The following SGCZ variants were observed in gnomAD, a reference collection of about 807,000 sequenced individuals.
SGCZ encodes the protein zeta-sarcoglycan.
Under a neutral mutation model 41.3 loss-of-function variants are expected in SGCZ, and 40 were observed. That is an observed-to-expected ratio of 0.97 (90% CI 0.75 to 1.26). The LOEUF (loss-of-function observed/expected upper bound fraction) is 1.26, where lower values mean the gene tolerates loss of function less well. Ranked by LOEUF, SGCZ falls within the 50% of genes most tolerant of loss-of-function variation. The pLI, the probability that SGCZ is intolerant of heterozygous loss-of-function variation, is 0.00. For missense variants in SGCZ, 552 were observed against 369.8 expected (o/e 1.49, Z -4.04); for synonymous variants, 206 against 137.5 (o/e 1.50, Z -3.49).
chr8:14,338,120 A>G (rs73664308), intron 2 of SGCZ, among the ~76,000 whole-genome samples: 6,817 of 152,262 alleles, frequency 0.045, 504 homozygotes, highest in African/African-American at 0.15. Flanking sequence ...TCCTTGCCCA[A>G]GTTTGATCAG....
intron 1 of SGCZ, among the ~76,000 whole-genome samples, chr8:14,748,740 A>G (rs1012422518): frequency 1.6e-4 from 23 of 147,878 alleles, no homozygotes; most frequent in African/African-American, 5.1e-4. Context: ...AAAATAGTGC[A>G]TGTTGAACAC....
intron 3 of SGCZ, among the ~76,000 whole-genome samples, chr8:14,323,451 T>C (rs1027886872): frequency 3.9e-5 from 6 of 152,090 alleles, no homozygotes; most frequent in African/African-American, 1.2e-4. Context: ...GTAATAGATA[T>C]GAAAAATTCT....
intron 1 of SGCZ, among the ~76,000 whole-genome samples, chr8:14,990,213 C>T (rs374619043): frequency 5.3e-5 from 8 of 152,028 alleles, no homozygotes; most frequent in African/African-American, 1.7e-4. Flanking sequence ...AGTAGAAAAT[C>T]AAAAATATAA....
chr8:14,168,494 C>G (rs1383099407), intron 4 of SGCZ, among the ~76,000 whole-genome samples: 1 of 152,058 alleles, frequency 6.6e-6, no homozygotes, highest in Non-Finnish European at 1.5e-5. Flanking sequence ...GTGAATAAGT[C>G]TCATGAGATC....
In SGCZ at chr8:15,061,530, T is replaced by TAAAAA. The variant is rs56690396; in HGVS notation, c.39+176050_39+176054dup. On this transcript the variant is annotated intron_variant, in intron 1 of 7. Transcript: ENST00000382080. ...CATGTATCCCAGAACTTACAGTATA[T>TAAAAA]AAAAAAAAAAAACAGGAAAAAATTA... is the stretch of plus-strand genomic sequence containing the variant. Among the ~76,000 whole-genome samples the TAAAAA allele has an allele frequency of 9.2e-3, 1,309 of 141,994 alleles. 14 individuals carry two copies. The highest frequency in any genetic ancestry group is 0.031 in the African/African-American group (1,207 of 38,806). The allele number at this position is 141,994 out of a possible 152,430, so 93.2% of individuals were successfully genotyped here.
intron 1 of SGCZ, among the ~76,000 whole-genome samples, chr8:14,816,937 A>T (rs1801920661): frequency 1.3e-5 from 2 of 152,216 alleles, no homozygotes; most frequent in South Asian, 4.1e-4. Flanking sequence ...TATCACAATT[A>T]CTTTTTAATT....
chr8:14,098,858 C>T (rs1801925063), intron 7 of SGCZ, among the ~76,000 whole-genome samples: 1 of 151,992 alleles, frequency 6.6e-6, no homozygotes, highest in Admixed American at 6.6e-5. Flanking sequence ...ATGGAGTAAA[C>T]CTTGAAGTAC....
intron 1 of SGCZ, among the ~76,000 whole-genome samples, chr8:14,597,972 A>G (rs1160669487): frequency 6.6e-6 from 1 of 152,212 alleles, no homozygotes; most frequent in Non-Finnish European, 1.5e-5. Flanking sequence ...ATTGCAAATA[A>G]TGTTTTGAAA....
At chr8:14,655,377 G>C (rs1807533612) in intron 1 of SGCZ, among the ~76,000 whole-genome samples, 1 of 152,042 alleles carries the variant, frequency 6.6e-6, no homozygotes, top group African/African-American at 2.4e-5. Context: ...TTTTGTTCCT[G>C]TAATCATTTA....
At chr8:14,610,348 T>C (rs1387042095) in intron 1 of SGCZ, among the ~76,000 whole-genome samples, 1 of 152,212 alleles carries the variant, frequency 6.6e-6, no homozygotes. Flanking sequence ...GAATCATTCT[T>C]TGATGGAGAG....
At chr8:14,836,161 C>A (rs2130614281) in intron 1 of SGCZ, among the ~76,000 whole-genome samples, 1 of 151,822 alleles carries the variant, frequency 6.6e-6, no homozygotes. Flanking sequence ...GCTGACAGAC[C>A]TTTTAATCTC....
At chr8:15,142,978 A>G (rs174852) in intron 1 of SGCZ, among the ~76,000 whole-genome samples, 146,738 of 152,284 alleles carry the variant, frequency 0.96, 70,901 homozygotes, top group East Asian at 1. Flanking sequence ...ATATTATGCT[A>G]AGGGTTAACC....
chr8:14,438,650 TTAAAA>T (rs1457510697), intron 2 of SGCZ, among the ~76,000 whole-genome samples: 3 of 152,064 alleles, frequency 2.0e-5, no homozygotes, highest in Admixed American at 2.0e-4. Context: ...AAATTTTGTA[TTAAAA>T]TGTAAACCAG....
intron 1 of SGCZ, among the ~76,000 whole-genome samples, chr8:15,166,144 A>G (rs1362183876): frequency 1.3e-5 from 2 of 152,102 alleles, no homozygotes; most frequent in Non-Finnish European, 2.9e-5. Flanking sequence ...GAATTCTTCA[A>G]AGGGCCCGTG....
At chr8:14,564,037 C>G (rs1247955715) in intron 1 of SGCZ, among the ~76,000 whole-genome samples, 1 of 152,040 alleles carries the variant, frequency 6.6e-6, no homozygotes, top group Non-Finnish European at 1.5e-5. Context: ...ATAAATTGAG[C>G]CTCTAATTTC....
At chr8:15,112,774 G>C (rs1353924393) in intron 1 of SGCZ, among the ~76,000 whole-genome samples, 1 of 152,204 alleles carries the variant, frequency 6.6e-6, no homozygotes, top group Non-Finnish European at 1.5e-5. Context: ...GAGTCACCTT[G>C]ATAGTGAATC....
chr8:15,235,995 G>C (rs980874152), intron 1 of SGCZ, among the ~76,000 whole-genome samples: 36 of 152,224 alleles, frequency 2.4e-4, no homozygotes, highest in Non-Finnish European at 3.5e-4. Flanking sequence ...GTAGAGCAGA[G>C]AGATAAGAGG....
At chr8:14,562,280 T>C (rs960591528) in intron 1 of SGCZ, among the ~76,000 whole-genome samples, 12 of 152,158 alleles carry the variant, frequency 7.9e-5, no homozygotes, top group Non-Finnish European at 1.8e-4. Context: ...GAGCAGAAGA[T>C]TGTTTTCATT....
chr8:14,937,880 A>C (rs1800134969), intron 1 of SGCZ, among the ~76,000 whole-genome samples: 1 of 152,158 alleles, frequency 6.6e-6, no homozygotes, highest in African/African-American at 2.4e-5. Flanking sequence ...ATTTTTAAAA[A>C]TTCATGATGA....
Sources: gnomAD v4.1 joint callset for allele counts (sites outside exome capture counted in the v4.1 genomes callset) on GRCh38, gnomAD v4.1.1 for gene constraint, MANE v1.5 for transcripts, NCBI Gene and HGNC (gene_info 2026-07-23, HGNC 2026-07-21) for gene names.